VWA5A: variants seen among roughly 807,000 people sequenced by gnomAD.
VWA5A encodes the protein von Willebrand factor A domain-containing protein 5A.
Under a neutral mutation model 84.6 loss-of-function variants are expected in VWA5A, and 77 were observed. The observed-to-expected ratio is 0.91, with a 90% CI of 0.76 to 1.10. The LOEUF is 1.10. Among genes scored for constraint, VWA5A ranks in the 50% least tolerant of loss-of-function variants. The pLI is 0.00. For synonymous variants in VWA5A, 334 were observed against 350.1 expected, an observed-to-expected ratio of 0.95 and a Z score of 0.51; for missense variants, 973 against 963.0, an observed-to-expected ratio of 1.01 and a Z score of -0.14.
chr11:124,132,534 A>G (rs928787434), intron 11 of VWA5A, among the ~76,000 whole-genome samples: 2 of 152,076 alleles, frequency 1.3e-5, no homozygotes, highest in African/African-American at 4.8e-5. Flanking sequence ...AGTTCTTTGC[A>G]TGAAATTGTC....
At chr11:124,139,225 TTGTGTGTG>T (rs113893702) in intron 15 of VWA5A, among the ~76,000 whole-genome samples, 3 of 147,326 alleles carry the variant, frequency 2.0e-5, no homozygotes, top group African/African-American at 5.0e-5. Flanking sequence ...AGCATTTTGT[TTGTGTGTG>T]TGTGTGTGTG....
At chr11:124,121,627 C>G (rs1286631954) in intron 7 of VWA5A, among the ~76,000 whole-genome samples, 2 of 152,048 alleles carry the variant, frequency 1.3e-5, no homozygotes, top group Non-Finnish European at 2.9e-5. Context: ...GTGTTACTAC[C>G]TTGACTTTTC....
chr11:124,141,115 A>T (rs10502275), intron 15 of VWA5A, among the ~76,000 whole-genome samples: 1 of 152,176 alleles, frequency 6.6e-6, no homozygotes, highest in Non-Finnish European at 1.5e-5. Context: ...AGATACTTTA[A>T]TGAATGATCG....
rs753327381 is a variant in VWA5A at position 124,117,730 on chromosome 11, C to T, written c.101C>T (p.Ser34Phe). The T allele has an allele frequency of 6.2e-7, 1 of 1,614,052 alleles. No homozygotes were observed. Among genetic ancestry groups the T allele is most frequent in the African/African-American group, 1.3e-5 (1 of 74,932 alleles). The change falls in exon 4 of 19, where the codon TCT (serine) becomes TTT (phenylalanine). Residue 34 changes from serine to phenylalanine, a missense_variant. Coordinates refer to ENST00000456829, the MANE Select transcript of VWA5A (RefSeq NM_001130142.2). ...ATTTACGAGTTTGTGGCTGGTGTGTCTGCAACTTTGAACTACGAGAATGAG... is the reference window on the plus strand; with the variant it reads ...ATTTACGAGTTTGTGGCTGGTGTGTTTGCAACTTTGAACTACGAGAATGAG... ...VNIYEFVAGV[S>F]ATLNYENEEK...
intron 17 of VWA5A, 126 bp from the exon 18 acceptor site, chr11:124,145,111 T>G (rs1414823854): frequency 8.0e-7 from 1 of 1,243,694 alleles, no homozygotes; most frequent in Non-Finnish European, 1.1e-6. Flanking sequence ...TATCTGGAGG[T>G]AAAGAGAGAC....
chr11:124,126,989 A>G (rs1865027432), intron 11 of VWA5A, among the ~76,000 whole-genome samples: 1 of 152,196 alleles, frequency 6.6e-6, no homozygotes, highest in African/African-American at 2.4e-5. Flanking sequence ...TTGAGATAAC[A>G]CATTATCTAA....
intron 7 of VWA5A, among the ~76,000 whole-genome samples, chr11:124,119,866 A>C (rs1864903066): frequency 6.6e-6 from 1 of 152,258 alleles, no homozygotes; most frequent in Admixed American, 6.5e-5. Flanking sequence ...AAACACAGGA[A>C]GAATGCAAGT....
intron 15 of VWA5A, among the ~76,000 whole-genome samples, chr11:124,140,035 A>T (rs369558025): frequency 6.6e-6 from 1 of 152,142 alleles, no homozygotes; most frequent in South Asian, 2.1e-4. Flanking sequence ...CTTTTTCTGC[A>T]TCTATTGAAA....
chr11:124,118,725 T>C lies in VWA5A; in HGVS notation c.645+17T>C. Reference sequence around the variant, plus strand: ...TCTGCTCAGGTAGTTAATGAGAGAATACTGCTATTGTCAGTACCTCTGTTG... The same window carrying C: ...TCTGCTCAGGTAGTTAATGAGAGAACACTGCTATTGTCAGTACCTCTGTTG... On this transcript the variant is annotated intron_variant, in intron 6 of 18. Coordinates refer to ENST00000456829, the MANE Select transcript of VWA5A (RefSeq NM_001130142.2). 1.2e-6 allele frequency: 2 copies of C among 1,607,460 alleles called. No homozygotes were observed. The highest frequency in any genetic ancestry group is 1.7e-6 in the Non-Finnish European group (2 of 1,176,186).
rs1864812351 is a variant in VWA5A, at chr11:124,115,486, G to A, written c.-131+4G>A. The stretch of plus-strand genomic sequence containing the variant: ...CTCCGGGCTGCAGGAGAGGAAGGTA[G>A]GGGACCAAGCTACCGGTGCAGGGCC... On this transcript the variant is annotated splice_donor_region_variant and intron_variant, in intron 1 of 18. Coordinates refer to ENST00000456829, the MANE Select transcript of VWA5A (RefSeq NM_001130142.2). 1 of 152,176 alleles carries A rather than the reference G, an allele frequency of 6.6e-6. No homozygotes were observed. The highest frequency in any genetic ancestry group is 2.1e-4 in the South Asian group (1 of 4,822). 9.4% of individuals were successfully genotyped at this position (152,176 alleles called of 1,614,324 possible). A position where few individuals can be genotyped will look rare whatever the true frequency, so the allele number is the denominator to read the frequency against.
rs1374004446 is a variant in VWA5A at position 124,123,115 on chromosome 11, A to G, written c.916A>G (p.Ile306Val). 6.2e-7 allele frequency: 1 copy of G among 1,611,638 alleles called. No individual in the cohort carries two copies. Among genetic ancestry groups the G allele is most frequent in the Admixed American group, 1.7e-5 (1 of 59,518 alleles). The change falls in exon 8 of 19, where the codon ATA becomes GTA. Residue 306 changes from isoleucine to valine, a missense_variant. By Grantham distance (29) the Ile-to-Val change is conservative (BLOSUM62 3). Transcript: ENST00000456829. The part of the protein sequence containing the change: ...MSSQDTSQLR[I>V]QAAKETLILL... Reference sequence around the variant, plus strand: ...TAGCCAGGATACATCTCAGCTGCGAATACAGGCAGCCAAGGTAAAGCTAGT... The same window carrying G: ...TAGCCAGGATACATCTCAGCTGCGAGTACAGGCAGCCAAGGTAAAGCTAGT...
At position 124,135,022 on chromosome 11, in the gene VWA5A, G is replaced by A. The variant is rs1438267159; in HGVS notation, c.1347G>A (p.Arg449=). The part of the protein sequence containing the change: ...GTSEFITGKD[R]MQSKALRTLK... The stretch of plus-strand genomic sequence containing the variant: ...CAGAATTTATCACAGGCAAAGACAG[G>A]ATGCAGTCCAAGGTGAGGGACAGAC... Residue 449 remains arginine, a synonymous_variant, in exon 12 of 19, where the codon AGG becomes AGA. Coordinates refer to ENST00000456829, the MANE Select transcript of VWA5A (RefSeq NM_001130142.2). 2 of 1,613,498 alleles carry A rather than the reference G, an allele frequency of 1.2e-6. No homozygotes were observed. Among genetic ancestry groups the A allele is most frequent in the African/African-American group, 2.7e-5 (2 of 75,018 alleles).
At chr11:124,127,062 C>T (rs747848163) in intron 11 of VWA5A, among the ~76,000 whole-genome samples, 1 of 152,130 alleles carries the variant, frequency 6.6e-6, no homozygotes, top group African/African-American at 2.4e-5. Context: ...GATGCATGTG[C>T]AGAACATGCA....
chr11:124,125,409 A>G (rs924446129), intron 11 of VWA5A, among the ~76,000 whole-genome samples: 1 of 151,738 alleles, frequency 6.6e-6, no homozygotes, highest in African/African-American at 2.4e-5. Flanking sequence ...CAGCCTCCCA[A>G]GTAGCTGGGA....
intron 15 of VWA5A, among the ~76,000 whole-genome samples, chr11:124,140,459 G>A (rs1369636462): frequency 1.3e-5 from 2 of 148,458 alleles, no homozygotes; most frequent in Non-Finnish European, 3.0e-5. Flanking sequence ...TTTAAAACTA[G>A]GAATTTTTAA....
chr11:124,122,708 T>C (rs907009253), intron 7 of VWA5A, among the ~76,000 whole-genome samples: 6 of 152,240 alleles, frequency 3.9e-5, no homozygotes, highest in Non-Finnish European at 8.8e-5. Flanking sequence ...TCAGTGACAA[T>C]GTTTTAACTA....
chr11:124,142,579 T>C lies in VWA5A; in HGVS notation c.2154+7T>C. ...GGCTGCACAGCCTGCCGAGGTAAGA[T>C]TCAATGGAAAAAGGAGTATGTATGT... On this transcript the variant is annotated splice_region_variant and intron_variant, in intron 17 of 18. Transcript: ENST00000456829. The C allele has an allele frequency of 1.9e-6, 3 of 1,613,816 alleles. No individual in the cohort carries two copies. The highest frequency in any genetic ancestry group is 2.5e-6 in the Non-Finnish European group (3 of 1,179,918).
At position 124,136,624 on chromosome 11, in the gene VWA5A, G is replaced by T; in HGVS notation, c.1575G>T (p.Lys525Asn). The T allele has an allele frequency of 1.2e-6, 2 of 1,614,154 alleles. No homozygotes were observed. The highest frequency in any genetic ancestry group is 1.7e-6 in the Non-Finnish European group (2 of 1,180,030). ...GCCTCAAATATACACTCCAGGGCAA[G>T]ACTTTTGAGGATAAGGTGACATTTC... ...EVCLKYTLQG[K>N]TFEDKVTFPL... Residue 525 changes from lysine to asparagine, a missense_variant, in exon 14 of 19, where the codon AAG becomes AAT. Transcript: ENST00000456829.
At chr11:124,116,788 G>C (rs1471901627) in intron 2 of VWA5A, 108 bp downstream of exon 2, 1 of 152,122 alleles carries the variant, frequency 6.6e-6, no homozygotes, top group Admixed American at 6.5e-5. Flanking sequence ...TGCAAATGTA[G>C]GCTATGTGCC....
Sources: allele counts gnomAD v4.1 joint callset (sites outside exome capture counted in the v4.1 genomes callset), GRCh38; gene constraint gnomAD v4.1.1; transcripts MANE v1.5; gene names NCBI Gene and HGNC (gene_info 2026-07-23, HGNC 2026-07-21).